Variants in RGS20 observed in about 807,000 individuals in gnomAD.
RGS20 encodes regulator of G protein signaling 20, also known as gz-selective GTPase-activating protein.
Under a neutral mutation model 33.6 loss-of-function variants are expected in RGS20, and 30 were observed. That is an observed-to-expected ratio of 0.89 (90% CI 0.67 to 1.21). RGS20 has a LOEUF of 1.21. Among genes scored for constraint, RGS20 ranks in the 50% most tolerant of loss-of-function variants. The pLI is 0.00. For synonymous variants in RGS20, 208 were observed against 197.9 expected (o/e 1.05, Z -0.43); for missense variants, 472 against 502.4 (o/e 0.94, Z 0.58).
At chr8:53,896,427 GCAGA>G (rs1431943928) in intron 2 of RGS20, among the ~76,000 whole-genome samples, 10 of 152,194 alleles carry the variant, frequency 6.6e-5, no homozygotes, top group South Asian at 2.1e-4. Flanking sequence ...TTGAGTAGTT[GCAGA>G]CAGACCAGGA....
intron 1 of RGS20, among the ~76,000 whole-genome samples, chr8:53,872,074 G>A (rs950274874): frequency 3.9e-5 from 6 of 152,098 alleles, no homozygotes; most frequent in African/African-American, 1.2e-4. Context: ...CTTTCAGTAA[G>A]CCATTCAACT....
intron 1 of RGS20, among the ~76,000 whole-genome samples, chr8:53,855,783 C>T (rs1046208036): frequency 2.0e-5 from 3 of 152,186 alleles, no homozygotes; most frequent in African/African-American, 7.2e-5. Context: ...AAAAGCAAAC[C>T]TCTAAAGGCA....
At chr8:53,913,001 T>C (rs1563391207) in intron 2 of RGS20, among the ~76,000 whole-genome samples, 1 of 151,980 alleles carries the variant, frequency 6.6e-6, no homozygotes, top group African/African-American at 2.4e-5. Context: ...AGTCTTGCTC[T>C]GTTGCCCAGG....
At chr8:53,857,816 C>T (rs1293854813) in intron 1 of RGS20, among the ~76,000 whole-genome samples, 1 of 151,870 alleles carries the variant, frequency 6.6e-6, no homozygotes, top group Non-Finnish European at 1.5e-5. Context: ...CTTCTGGTTC[C>T]AAACATTTTG....
chr8:53,868,424 C>T (rs1260768238), intron 1 of RGS20, among the ~76,000 whole-genome samples: 1 of 152,126 alleles, frequency 6.6e-6, no homozygotes, highest in Non-Finnish European at 1.5e-5. Context: ...GGAGCCAGTT[C>T]TACTACTTAC....
intron 2 of RGS20, among the ~76,000 whole-genome samples, chr8:53,926,885 C>G (rs1053158202): frequency 1.3e-5 from 2 of 152,120 alleles, no homozygotes; most frequent in African/African-American, 4.8e-5. Flanking sequence ...TGCACTCCAG[C>G]CTGGGTGACA....
At chr8:53,943,603 C>CA (rs1325711139) in intron 3 of RGS20, among the ~76,000 whole-genome samples, 5 of 150,914 alleles carry the variant, frequency 3.3e-5, no homozygotes, top group Middle Eastern at 3.4e-3. Context: ...GAAAACTTCA[C>CA]AAAAAAAAAT....
At chr8:53,936,853 T>G (rs1240127032) in intron 2 of RGS20, among the ~76,000 whole-genome samples, 1 of 152,154 alleles carries the variant, frequency 6.6e-6, no homozygotes, top group African/African-American at 2.4e-5. Flanking sequence ...TATACTACAA[T>G]GTTGTAGTAA....
chr8:53,958,312 ATGG>A lies in RGS20; in HGVS notation c.1025_1027del (p.Val342del). ...GGTGAGAGAAGTGATCAACAGAAAC[ATGG>A]TGGAGCCATCCCAACACATATTCGA... On this transcript the variant is annotated inframe_deletion, in exon 6 of 6. Transcript: ENST00000297313. 2 of 1,613,576 alleles carry A rather than the reference ATGG, an allele frequency of 1.2e-6. No homozygotes were observed. Among genetic ancestry groups the A allele is most frequent in the Non-Finnish European group, 1.7e-6 (2 of 1,179,808 alleles).
chr8:53,907,817 C>G (rs1185164924), intron 2 of RGS20, among the ~76,000 whole-genome samples: 1 of 152,060 alleles, frequency 6.6e-6, no homozygotes, highest in Non-Finnish European at 1.5e-5. Flanking sequence ...AACCAGGATA[C>G]AGATTAAGTT....
intron 1 of RGS20, among the ~76,000 whole-genome samples, chr8:53,859,855 T>C (rs1563336812): frequency 6.6e-6 from 1 of 152,184 alleles, no homozygotes. Context: ...TCATGAGACT[T>C]ATTCACTATC....
At chr8:53,872,565 A>G (rs772998434) in intron 1 of RGS20, among the ~76,000 whole-genome samples, 2 of 152,210 alleles carry the variant, frequency 1.3e-5, no homozygotes, top group Non-Finnish European at 2.9e-5. Flanking sequence ...TGAGTAAGTG[A>G]GTGGCTTACA....
At position 53,880,828 on chromosome 8, in the gene RGS20, G is replaced by C. The variant is rs1156600806; in HGVS notation, c.510+1226G>C. On this transcript the variant is annotated intron_variant, in intron 2 of 5. Transcript: ENST00000297313. Reference sequence around the variant, plus strand: ...GCCGCTGGAGGGAGGCGAGACGTGGGATTGCCCGGCCGGGTAAAAGGAGTG... The same window carrying C: ...GCCGCTGGAGGGAGGCGAGACGTGGCATTGCCCGGCCGGGTAAAAGGAGTG... 3.6e-6 allele frequency: 5 copies of C among 1,373,952 alleles called. No homozygotes were observed. In the East Asian group the frequency reaches 1.5e-4, roughly 40 times the overall value. 85.1% of individuals were successfully genotyped at this position (1,373,952 alleles called of 1,614,324 possible).
At chr8:53,883,747 C>A (rs1181531755) in intron 2 of RGS20, among the ~76,000 whole-genome samples, 1 of 151,948 alleles carries the variant, frequency 6.6e-6, no homozygotes, top group African/African-American at 2.4e-5. Flanking sequence ...GAGTTCTAGG[C>A]CAGCCTGGCC....
chr8:53,939,552 G>T (rs1333069358), intron 2 of RGS20, 24 bp from the exon 2 acceptor site: 6 of 1,490,360 alleles, frequency 4.0e-6, no homozygotes, highest in African/African-American at 1.4e-5. Flanking sequence ...CCTCCCGCCC[G>T]CTTTGTTCCT....
At chr8:53,870,118 A>G (rs1047281886) in intron 1 of RGS20, among the ~76,000 whole-genome samples, 1 of 152,164 alleles carries the variant, frequency 6.6e-6, no homozygotes, top group Non-Finnish European at 1.5e-5. Flanking sequence ...AAAGAATAAA[A>G]TATATACAGT....
At chr8:53,853,238 T>A (rs925397563) in intron 1 of RGS20, among the ~76,000 whole-genome samples, 2 of 152,236 alleles carry the variant, frequency 1.3e-5, no homozygotes, top group Non-Finnish European at 2.9e-5. Context: ...ATGGTGCATA[T>A]GTATGCTGTT....
chr8:53,942,061 G>C (rs1814313614), intron 3 of RGS20, among the ~76,000 whole-genome samples: 1 of 151,990 alleles, frequency 6.6e-6, no homozygotes, highest in African/African-American at 2.4e-5. Context: ...ATCACATGAG[G>C]TCGGGAGTTC....
At chr8:53,880,576 CG>C (rs1195338256) in intron 2 of RGS20, among the ~76,000 whole-genome samples, 1 of 152,218 alleles carries the variant, frequency 6.6e-6, no homozygotes, top group Non-Finnish European at 1.5e-5. Context: ...TCACGAGGTC[CG>C]AGCACGCAGT....
Sources: allele counts gnomAD v4.1 joint callset (sites outside exome capture counted in the v4.1 genomes callset), GRCh38; gene constraint gnomAD v4.1.1; transcripts MANE v1.5; gene names NCBI Gene and HGNC (gene_info 2026-07-23, HGNC 2026-07-21).